TBC1D22A: variants seen among roughly 807,000 people sequenced by gnomAD.
TBC1D22A encodes the protein putative GTPase activator.
TBC1D22A carries 38 observed loss-of-function variants against 60.2 expected under a neutral mutation model. The ratio of observed to expected loss-of-function variants is 0.63; its 90% CI spans 0.49 to 0.83. TBC1D22A has a LOEUF of 0.83. Ranked by LOEUF, TBC1D22A falls within the 40% of genes least tolerant of loss-of-function variation. TBC1D22A has a pLI of 0.00. For synonymous variants in TBC1D22A, 302 were observed against 281.7 expected (o/e 1.07, Z -0.72); for missense variants, 628 against 701.0 (o/e 0.90, Z 1.18).
intron 12 of TBC1D22A, among the ~76,000 whole-genome samples, chr22:47,145,622 C>T (rs1453054443): frequency 2.0e-5 from 3 of 152,172 alleles, no homozygotes; most frequent in East Asian, 1.9e-4. Context: ...CTAGGCAGTT[C>T]GTTAGGAGAG....
chr22:46,945,790 C>G (rs2072498691), intron 8 of TBC1D22A, among the ~76,000 whole-genome samples: 1 of 152,170 alleles, frequency 6.6e-6, no homozygotes, highest in Admixed American at 6.5e-5. Flanking sequence ...GTAGTATGAT[C>G]CTTCTGTAGA....
At chr22:47,141,088 G>A (rs948608850) in intron 12 of TBC1D22A, among the ~76,000 whole-genome samples, 3 of 152,216 alleles carry the variant, frequency 2.0e-5, no homozygotes, top group Non-Finnish European at 4.4e-5. Context: ...GGAGGACGGC[G>A]AAGGAGGAGC....
intron 9 of TBC1D22A, among the ~76,000 whole-genome samples, chr22:46,987,483 T>C (rs528037604): frequency 3.3e-4 from 50 of 152,306 alleles, no homozygotes; most frequent in Admixed American, 1.2e-3. Flanking sequence ...CTTGGAGATA[T>C]TGCATGTTTG....
chr22:46,769,539 G>A (rs569068990), intron 1 of TBC1D22A, among the ~76,000 whole-genome samples: 1 of 152,322 alleles, frequency 6.6e-6, no homozygotes, highest in Admixed American at 6.5e-5. Context: ...TCCTTACACA[G>A]GTCCCGCTTC....
chr22:46,939,203 A>T (rs1469799525), intron 8 of TBC1D22A, among the ~76,000 whole-genome samples: 9 of 152,206 alleles, frequency 5.9e-5, no homozygotes. Context: ...GAATCAGAAG[A>T]TGAATGCAGA....
intron 10 of TBC1D22A, among the ~76,000 whole-genome samples, chr22:47,035,306 G>A (rs938897111): frequency 2.6e-5 from 4 of 152,152 alleles, no homozygotes; most frequent in Admixed American, 1.3e-4. Context: ...CAGAGGCAGC[G>A]CACAGTGGTG....
intron 4 of TBC1D22A, among the ~76,000 whole-genome samples, chr22:46,841,809 A>T (rs913526432): frequency 8.4e-4 from 128 of 152,358 alleles, no homozygotes; most frequent in African/African-American, 2.9e-3. Context: ...TATACTTGGA[A>T]TTTGTTAAGA....
chr22:46,806,146 C>T (rs809036), intron 4 of TBC1D22A, among the ~76,000 whole-genome samples: 2,777 of 152,256 alleles, frequency 0.018, 88 homozygotes, highest in African/African-American at 0.059. Context: ...CCACCGCGCC[C>T]GGCCTCCAAC....
intron 12 of TBC1D22A, among the ~76,000 whole-genome samples, chr22:47,140,888 G>A (rs536218096): frequency 1.1e-4 from 16 of 152,378 alleles, no homozygotes; most frequent in Middle Eastern, 3.4e-3. Flanking sequence ...CCTTGGGCAG[G>A]TGCTGGAGTT....
intron 1 of TBC1D22A, among the ~76,000 whole-genome samples, chr22:46,766,861 G>C (rs999851916): frequency 6.6e-6 from 1 of 152,124 alleles, no homozygotes; most frequent in Non-Finnish European, 1.5e-5. Context: ...TATGCAGCCT[G>C]AACTAAAGTC....
chr22:46,904,142 T>TACCTACCTAC lies in TBC1D22A; in HGVS notation c.901-7932_901-7931insACCTACCTAC, dbSNP rs2069247452. 1.6e-3 allele frequency among the ~76,000 whole-genome samples: 222 copies of TACCTACCTAC among 134,554 alleles called. 2 individuals carry two copies. Among genetic ancestry groups the TACCTACCTAC allele is most frequent in the Middle Eastern group, 0.011 (3 of 270 alleles). 88.3% of individuals were successfully genotyped at this position (134,554 alleles called of 152,430 possible). The stretch of plus-strand genomic sequence containing the variant: ...ATCTATCTATCTATCTATCTATCTA[T>TACCTACCTAC]CTACCTACCTACCTACCTACCTACC... On this transcript the variant is annotated intron_variant, in intron 7 of 12. Transcript: ENST00000337137.
At chr22:47,027,554 G>A (rs2062300236) in intron 10 of TBC1D22A, among the ~76,000 whole-genome samples, 2 of 152,054 alleles carry the variant, frequency 1.3e-5, no homozygotes, top group Non-Finnish European at 2.9e-5. Context: ...TCATGGCTTA[G>A]CCTGGTTGGG....
intron 11 of TBC1D22A, among the ~76,000 whole-genome samples, chr22:47,074,514 T>A (rs889018875): frequency 6.6e-6 from 1 of 152,242 alleles, no homozygotes; most frequent in African/African-American, 2.4e-5. Context: ...AGGAAAGGCG[T>A]CTCTCATTGA....
At chr22:47,033,140 G>A (rs137865292) in intron 10 of TBC1D22A, among the ~76,000 whole-genome samples, 32 of 152,346 alleles carry the variant, frequency 2.1e-4, no homozygotes, top group African/African-American at 7.2e-4. Flanking sequence ...GTGTCAGTGC[G>A]CTGGGGGCAG....
intron 3 of TBC1D22A, 123 bp from the exon 4 acceptor site, chr22:46,797,321 C>CA: frequency 9.6e-7 from 1 of 1,046,592 alleles, no homozygotes; most frequent in Non-Finnish European, 1.4e-6. Flanking sequence ...CCAAGGTCCC[C>CA]ACTGCTGAGT....
At chr22:47,111,031 T>G (rs938996139) in intron 11 of TBC1D22A, among the ~76,000 whole-genome samples, 1 of 152,216 alleles carries the variant, frequency 6.6e-6, no homozygotes, top group Non-Finnish European at 1.5e-5. Flanking sequence ...CCTGTTCATT[T>G]CCCAGGGAGA....
chr22:47,075,105 C>T (rs1037518753), intron 11 of TBC1D22A, among the ~76,000 whole-genome samples: 5 of 152,016 alleles, frequency 3.3e-5, no homozygotes, highest in African/African-American at 1.2e-4. Flanking sequence ...CGCCTGTAGT[C>T]CCAGCTGCTC....
At chr22:47,055,394 G>A (rs957273131) in intron 11 of TBC1D22A, among the ~76,000 whole-genome samples, 1 of 152,240 alleles carries the variant, frequency 6.6e-6, no homozygotes, top group South Asian at 2.1e-4. Context: ...GACAGGGGAA[G>A]AGATGGATGG....
At chr22:46,840,719 C>T (rs1033435925) in intron 4 of TBC1D22A, among the ~76,000 whole-genome samples, 13 of 148,460 alleles carry the variant, frequency 8.8e-5, no homozygotes, top group African/African-American at 2.7e-4. Context: ...GGTGGCAGAG[C>T]GAGACTCTGT....
Sources: gnomAD v4.1 joint callset for allele counts (sites outside exome capture counted in the v4.1 genomes callset) on GRCh38, gnomAD v4.1.1 for gene constraint, MANE v1.5 for transcripts, NCBI Gene and HGNC (gene_info 2026-07-23, HGNC 2026-07-21) for gene names.